The following IL1RAPL1 variants were observed in gnomAD, a reference collection of about 807,000 sequenced individuals.
The protein encoded by IL1RAPL1 is interleukin 1 receptor accessory protein like 1.
IL1RAPL1 carries 3 observed loss-of-function variants against 48.4 expected under a neutral mutation model. That is an observed-to-expected ratio of 0.06 (90% CI 0.03 to 0.16). The LOEUF (loss-of-function observed/expected upper bound fraction) is 0.16, where lower values mean the gene tolerates loss of function less well. Among genes scored for constraint, IL1RAPL1 ranks in the 10% least tolerant of loss-of-function variants. The pLI is 1.00. For missense variants in IL1RAPL1, 349 were observed against 530.6 expected, an observed-to-expected ratio of 0.66 and a Z score of 3.36; for synonymous variants, 185 against 187.7, an observed-to-expected ratio of 0.99 and a Z score of 0.12.
chrX:28,995,433 A>G (rs1925704831), intron 2 of IL1RAPL1, among the ~76,000 whole-genome samples: 1 of 111,291 alleles, frequency 9.0e-6, no homozygotes, highest in African/African-American at 3.3e-5. Context: ...AAAGACCCAT[A>G]TATTAACTTG....
At chrX:28,827,947 A>G (rs1215477334) in intron 2 of IL1RAPL1, among the ~76,000 whole-genome samples, 2 of 111,612 alleles carry the variant, frequency 1.8e-5, no homozygotes, top group East Asian at 5.6e-4. Context: ...TAGCAGTATA[A>G]TTTTGCAAAT....
chrX:29,569,688 C>T (rs1234595174), intron 5 of IL1RAPL1, among the ~76,000 whole-genome samples: 3 of 110,738 alleles, frequency 2.7e-5, no homozygotes, highest in South Asian at 3.8e-4. Flanking sequence ...AGAAAGCAGG[C>T]ATTTAATGAG....
intron 2 of IL1RAPL1, among the ~76,000 whole-genome samples, chrX:28,933,602 T>C (rs938570154): frequency 3.6e-5 from 4 of 111,237 alleles, no homozygotes; most frequent in Non-Finnish European, 7.5e-5. Context: ...TCCAGAACCC[T>C]AGAGAGGGTT....
At chrX:29,457,767 T>C (rs1934756112) in intron 5 of IL1RAPL1, among the ~76,000 whole-genome samples, 1 of 112,419 alleles carries the variant, frequency 8.9e-6, no homozygotes, top group African/African-American at 3.2e-5. Flanking sequence ...TTGAGAAATC[T>C]TCAAACTGCT....
intron 5 of IL1RAPL1, among the ~76,000 whole-genome samples, chrX:29,426,843 C>T (rs776297975): frequency 1.6e-4 from 18 of 110,721 alleles, no homozygotes; most frequent in Non-Finnish European, 3.4e-4. Context: ...TATTAGTTTG[C>T]TCTTAATTAA....
At chrX:29,331,394 G>A (rs59709944) in intron 3 of IL1RAPL1, among the ~76,000 whole-genome samples, 7,297 of 110,342 alleles carry the variant, frequency 0.066, 590 homozygotes, top group African/African-American at 0.23. Context: ...AACACATTCA[G>A]TAGATTTCAA....
At chrX:29,673,038 T>A (rs1411524897) in intron 6 of IL1RAPL1, among the ~76,000 whole-genome samples, 1 of 111,986 alleles carries the variant, frequency 8.9e-6, no homozygotes, top group African/African-American at 3.2e-5. Flanking sequence ...TAAAATAAAA[T>A]GTCACACTAG....
intron 1 of IL1RAPL1, among the ~76,000 whole-genome samples, chrX:28,766,065 A>G (rs964961427): frequency 1.8e-5 from 2 of 111,636 alleles, no homozygotes; most frequent in Non-Finnish European, 3.8e-5. Flanking sequence ...AAAAATTTCA[A>G]TGACGTATAA....
intron 1 of IL1RAPL1, among the ~76,000 whole-genome samples, chrX:28,780,701 G>C (rs912241399): frequency 9.2e-6 from 1 of 108,943 alleles, no homozygotes; most frequent in Admixed American, 9.9e-5. Flanking sequence ...TTTCAAATTA[G>C]GGAAACATAG....
intron 6 of IL1RAPL1, among the ~76,000 whole-genome samples, chrX:29,882,544 G>A (rs181883897): frequency 2.7e-5 from 3 of 111,290 alleles, no homozygotes; most frequent in Non-Finnish European, 5.7e-5. Flanking sequence ...GGTTTTACAG[G>A]CCATATAATA....
chrX:29,885,972 A>G (rs1418773827), intron 6 of IL1RAPL1, among the ~76,000 whole-genome samples: 1 of 112,316 alleles, frequency 8.9e-6, no homozygotes, highest in Non-Finnish European at 1.9e-5. Context: ...TATTCTTATT[A>G]ACATTTTAAA....
intron 2 of IL1RAPL1, among the ~76,000 whole-genome samples, chrX:28,924,807 C>CA (rs1405059189): frequency 2.1e-4 from 24 of 112,193 alleles, no homozygotes; most frequent in African/African-American, 7.8e-4. Flanking sequence ...AAGTAAACTT[C>CA]ATTTATACTA....
intron 2 of IL1RAPL1, among the ~76,000 whole-genome samples, chrX:28,949,002 G>A (rs1395897712): frequency 9.0e-6 from 1 of 110,670 alleles, no homozygotes; most frequent in Middle Eastern, 4.7e-3. Flanking sequence ...ATGAAGCTGT[G>A]GATGGAGGAT....
chrX:28,814,894 A>G (rs1601914882), intron 2 of IL1RAPL1, among the ~76,000 whole-genome samples: 1 of 109,720 alleles, frequency 9.1e-6, no homozygotes, highest in Non-Finnish European at 1.9e-5. Context: ...ATACATTATT[A>G]GCTAATCTAA....
chrX:28,986,278 T>TGTAA (rs1444407495), intron 2 of IL1RAPL1, among the ~76,000 whole-genome samples: 1 of 112,429 alleles, frequency 8.9e-6, no homozygotes, highest in Non-Finnish European at 1.9e-5. Context: ...TTTCCTATCA[T>TGTAA]GTAAGTCTAT....
intron 6 of IL1RAPL1, among the ~76,000 whole-genome samples, chrX:29,834,516 G>C (rs1256226216): frequency 1.2e-5 from 1 of 85,131 alleles, no homozygotes; most frequent in Non-Finnish European, 2.2e-5. Flanking sequence ...TTTTTTTTTG[G>C]AATTTTGGGT....
intron 2 of IL1RAPL1, among the ~76,000 whole-genome samples, chrX:29,151,285 CATCCCAT>C (rs1376447953): frequency 6.2e-5 from 7 of 112,412 alleles, no homozygotes; most frequent in Non-Finnish European, 9.4e-5. Flanking sequence ...CCTTACTTGT[CATCCCAT>C]GTAAAATAAG....
intron 2 of IL1RAPL1, among the ~76,000 whole-genome samples, chrX:29,233,427 G>T (rs1931235986): frequency 9.0e-6 from 1 of 111,654 alleles, no homozygotes; most frequent in Non-Finnish European, 1.9e-5. Context: ...ATTTTCTTAA[G>T]AATAAAAGAT....
intron 2 of IL1RAPL1, among the ~76,000 whole-genome samples, chrX:29,209,659 G>A (rs934163075): frequency 1.1e-4 from 12 of 112,201 alleles, no homozygotes; most frequent in African/African-American, 3.6e-4. Context: ...TGGAAACTCA[G>A]GTTACTTCTA....
Sources: gnomAD v4.1 joint callset for allele counts (sites outside exome capture counted in the v4.1 genomes callset) on GRCh38, gnomAD v4.1.1 for gene constraint, MANE v1.5 for transcripts, NCBI Gene and HGNC (gene_info 2026-07-23, HGNC 2026-07-21) for gene names.